Variants in PCDH15 observed in about 807,000 individuals in gnomAD.
PCDH15 encodes protocadherin-15.
PCDH15 carries 129 observed loss-of-function variants against 178.5 expected under a neutral mutation model. The observed-to-expected ratio is 0.72, with a 90% CI of 0.63 to 0.84. PCDH15 has a LOEUF of 0.84. Ranked by LOEUF, PCDH15 falls within the 40% of genes least tolerant of loss-of-function variation. PCDH15 has a pLI of 0.00. For synonymous variants in PCDH15, 800 were observed against 732.0 expected, an observed-to-expected ratio of 1.09 and a Z score of -1.50; for missense variants, 2,230 against 2,099.9, an observed-to-expected ratio of 1.06 and a Z score of -1.21.
chr10:54,248,515 A>G (rs2056201042), intron 8 of PCDH15, among the ~76,000 whole-genome samples: 2 of 152,104 alleles, frequency 1.3e-5, no homozygotes, highest in South Asian at 2.1e-4. Flanking sequence ...GATGAATTAT[A>G]TAAATGCATT....
In PCDH15 at chr10:55,586,825, C is replaced by A. The variant is rs1294241379; in HGVS notation, c.-156+40800G>T. 2.0e-5 allele frequency among the ~76,000 whole-genome samples: 3 copies of A among 152,108 alleles called. No individual in the cohort carries two copies. In the South Asian group the frequency reaches 6.2e-4, roughly 32 times the overall value. ...ATGTACTTTGGTCAAAAAAATTATA[C>A]CTCAATAATTATCTGCTCTCCTTCT... On this transcript the variant is annotated intron_variant, in intron 2 of 5. Transcript: ENST00000613346.
intron 30 of PCDH15, among the ~76,000 whole-genome samples, chr10:53,829,537 T>C: frequency 6.6e-6 from 1 of 152,216 alleles, no homozygotes; most frequent in East Asian, 1.9e-4. Context: ...TAATTAATAA[T>C]GGGTTGATGG....
intron 1 of PCDH15, among the ~76,000 whole-genome samples, chr10:55,192,186 G>A (rs757580502): frequency 4.0e-5 from 6 of 151,796 alleles, no homozygotes; most frequent in Admixed American, 2.6e-4. Flanking sequence ...AAGTTTAAGT[G>A]CCAATTTCTT....
intron 2 of PCDH15, among the ~76,000 whole-genome samples, chr10:54,924,568 T>G (rs1837568622): frequency 1.1e-5 from 1 of 88,078 alleles, no homozygotes; most frequent in African/African-American, 3.1e-5. Flanking sequence ...CCATAGCATA[T>G]AAGTGTTCTT....
intron 26 of PCDH15, among the ~76,000 whole-genome samples, chr10:53,891,987 A>T (rs1028041050): frequency 6.8e-5 from 10 of 147,626 alleles, no homozygotes; most frequent in Admixed American, 1.3e-4. Context: ...CAAACAAAAA[A>T]GTTTCCAGTT....
intron 3 of PCDH15, among the ~76,000 whole-genome samples, chr10:54,416,061 G>A (rs7912542): frequency 0.79 from 120,779 of 152,014 alleles, 48,760 homozygotes; most frequent in East Asian, 0.97. Flanking sequence ...CCTCCCTGGC[G>A]CAGGTGATTC....
intron 2 of PCDH15, among the ~76,000 whole-genome samples, chr10:54,939,827 A>C (rs1838015291): frequency 6.6e-6 from 1 of 152,136 alleles, no homozygotes; most frequent in Non-Finnish European, 1.5e-5. Context: ...GGGGCAAAAC[A>C]GGTTCCCTCC....
chr10:54,452,075 C>T (rs1051387233), intron 3 of PCDH15, among the ~76,000 whole-genome samples: 5 of 151,898 alleles, frequency 3.3e-5, no homozygotes, highest in African/African-American at 1.2e-4. Flanking sequence ...CCTCAAAACC[C>T]ACAGTTCAGT....
At chr10:53,994,001 A>T (rs1370247126) in intron 21 of PCDH15, among the ~76,000 whole-genome samples, 1 of 152,258 alleles carries the variant, frequency 6.6e-6, no homozygotes, top group Non-Finnish European at 1.5e-5. Flanking sequence ...AACCTCTTCC[A>T]AAGAAATATG....
intron 9 of PCDH15, among the ~76,000 whole-genome samples, chr10:54,226,557 G>A (rs2053471403): frequency 6.6e-6 from 1 of 152,122 alleles, no homozygotes; most frequent in African/African-American, 2.4e-5. Flanking sequence ...GTGAGACACA[G>A]CCAAACCATA....
chr10:53,932,040 T>A (rs1388574923), intron 25 of PCDH15, among the ~76,000 whole-genome samples: 1 of 152,190 alleles, frequency 6.6e-6, no homozygotes, highest in African/African-American at 2.4e-5. Context: ...AATATTACTG[T>A]TGTGAAATGG....
intron 3 of PCDH15, among the ~76,000 whole-genome samples, chr10:54,861,238 A>C (rs1318586454): frequency 6.6e-6 from 1 of 152,150 alleles, no homozygotes; most frequent in Non-Finnish European, 1.5e-5. Flanking sequence ...TAGATTAACC[A>C]AGAAAAAAAG....
At chr10:55,580,555 G>A (rs986866486) in intron 2 of PCDH15, among the ~76,000 whole-genome samples, 2 of 151,684 alleles carry the variant, frequency 1.3e-5, no homozygotes, top group Non-Finnish European at 2.9e-5. Context: ...ACGGGGGTTT[G>A]CCATGTTGGC....
At chr10:54,854,931 T>C (rs1163937029) in intron 3 of PCDH15, among the ~76,000 whole-genome samples, 1 of 152,196 alleles carries the variant, frequency 6.6e-6, no homozygotes, top group African/African-American at 2.4e-5. Context: ...GCTGCCTCCA[T>C]GGTGCCTATG....
chr10:55,168,943 A>G (rs576996872), intron 1 of PCDH15, among the ~76,000 whole-genome samples: 1 of 152,262 alleles, frequency 6.6e-6, no homozygotes, highest in East Asian at 1.9e-4. Flanking sequence ...AATTAAACAA[A>G]TAATTTATGT....
At chr10:54,765,028 G>A (rs1391559736) in intron 1 of PCDH15, among the ~76,000 whole-genome samples, 1 of 152,078 alleles carries the variant, frequency 6.6e-6, no homozygotes, top group Admixed American at 6.5e-5. Flanking sequence ...CAGGCAAAAA[G>A]CTATGACATA....
At chr10:55,329,455 G>A (rs755794645) in intron 2 of PCDH15, among the ~76,000 whole-genome samples, 1 of 151,598 alleles carries the variant, frequency 6.6e-6, no homozygotes, top group Non-Finnish European at 1.5e-5. Flanking sequence ...GAGAGAAAAA[G>A]GGTCTTGAAA....
At chr10:55,364,154 G>T (rs7903294) in intron 2 of PCDH15, among the ~76,000 whole-genome samples, 85,420 of 151,732 alleles carry the variant, frequency 0.56, 24,647 homozygotes, top group African/African-American at 0.67. Flanking sequence ...GCGAAGAAAG[G>T]GCCTTGCTTC....
At chr10:55,612,439 TAAGAA>T (rs1032012611) in intron 2 of PCDH15, among the ~76,000 whole-genome samples, 3 of 152,076 alleles carry the variant, frequency 2.0e-5, no homozygotes, top group African/African-American at 7.2e-5. Context: ...GAATACGTCA[TAAGAA>T]GACAGGAAAG....
Sources: allele counts gnomAD v4.1 joint callset (sites outside exome capture counted in the v4.1 genomes callset), GRCh38; gene constraint gnomAD v4.1.1; transcripts MANE v1.5; gene names NCBI Gene and HGNC (gene_info 2026-07-23, HGNC 2026-07-21).